Variants in LRMDA observed in about 807,000 individuals in gnomAD.
LRMDA encodes the protein leucine-rich melanocyte differentiation-associated protein.
LRMDA carries 18 observed loss-of-function variants against 29.8 expected under a neutral mutation model. The ratio of observed to expected loss-of-function variants is 0.60; its 90% confidence interval spans 0.42 to 0.90. LRMDA has a LOEUF of 0.90. LRMDA is among the 40% of genes least tolerant of loss of function. The probability of loss-of-function intolerance (pLI) is 0.00; values close to 1 mark genes in which losing one functional copy is unlikely to be tolerated. For missense variants in LRMDA, 273 were observed against 273.9 expected (o/e 1.00, Z 0.02); for synonymous variants, 125 against 109.4 (o/e 1.14, Z -0.89).
intron 2 of LRMDA, among the ~76,000 whole-genome samples, chr10:75,475,957 A>G (rs568165305): frequency 6.6e-6 from 1 of 152,228 alleles, no homozygotes. Context: ...AGACCACAAC[A>G]TTCTAAGAGC....
At chr10:76,279,539 C>CTTTTTTTT (rs759651873) in intron 5 of LRMDA, among the ~76,000 whole-genome samples, 1 of 93,808 alleles carries the variant, frequency 1.1e-5, no homozygotes, top group Non-Finnish European at 2.1e-5. Context: ...ACAAATGCTT[C>CTTTTTTTT]TTTTTTTTTT....
At chr10:76,116,844 G>T (rs1849675384) in intron 5 of LRMDA, among the ~76,000 whole-genome samples, 1 of 152,118 alleles carries the variant, frequency 6.6e-6, no homozygotes, top group South Asian at 2.1e-4. Flanking sequence ...GATGCCCTAT[G>T]TGTCTGTTAC....
chr10:75,972,527 G>A (rs186839313), intron 2 of LRMDA, among the ~76,000 whole-genome samples: 279 of 152,242 alleles, frequency 1.8e-3, no homozygotes, highest in African/African-American at 6.5e-3. Context: ...ACAGGATATA[G>A]CAGCTGTCTG....
intron 2 of LRMDA, among the ~76,000 whole-genome samples, chr10:75,465,728 C>A (rs1220451402): frequency 6.6e-6 from 1 of 152,146 alleles, no homozygotes; most frequent in African/African-American, 2.4e-5. Flanking sequence ...TTTCATCCTT[C>A]CCCCCTTCCC....
intron 2 of LRMDA, among the ~76,000 whole-genome samples, chr10:75,490,580 CAT>C (rs1844974344): frequency 2.0e-5 from 3 of 152,148 alleles, no homozygotes; most frequent in Admixed American, 2.0e-4. Flanking sequence ...ATTGAACAAA[CAT>C]ATGGAGACAT....
At chr10:75,510,368 A>G in intron 2 of LRMDA, among the ~76,000 whole-genome samples, 1 of 152,214 alleles carries the variant, frequency 6.6e-6, no homozygotes, top group East Asian at 1.9e-4. Context: ...TGGGGAGGAG[A>G]GTCAGAGGTG....
chr10:75,679,990 G>A (rs184795005), intron 2 of LRMDA, among the ~76,000 whole-genome samples: 3 of 152,204 alleles, frequency 2.0e-5, no homozygotes, highest in Non-Finnish European at 2.9e-5. Context: ...AGCCAGAAAC[G>A]CAGTCAGTCT....
At chr10:75,745,927 G>A (rs996845940) in intron 2 of LRMDA, among the ~76,000 whole-genome samples, 6 of 152,130 alleles carry the variant, frequency 3.9e-5, no homozygotes, top group African/African-American at 7.2e-5. Context: ...TTTGAGTTAC[G>A]GATTTTGGGA....
intron 2 of LRMDA, among the ~76,000 whole-genome samples, chr10:75,555,848 C>T (rs746996304): frequency 6.6e-6 from 1 of 152,116 alleles, no homozygotes; most frequent in Non-Finnish European, 1.5e-5. Context: ...ATTTGCTCAT[C>T]ATATAGGGAA....
chr10:76,541,280 T>A (rs1182606724), intron 6 of LRMDA, among the ~76,000 whole-genome samples: 5 of 152,076 alleles, frequency 3.3e-5, no homozygotes, highest in Non-Finnish European at 2.9e-5. Context: ...TTGGGTGGGT[T>A]ACTTGAGGTC....
Position 76,212,101 on chromosome 10 carries a change from A to G in LRMDA, c.517-112300A>G, listed in dbSNP as rs148778231. ...ATCTTATAGATTATCAAAAGGAAAC[A>G]TAGCCCAAGTCCATTAACCTACAAA... On this transcript the variant is annotated intron_variant, in intron 5 of 6. Transcript: ENST00000611255. Among the ~76,000 whole-genome samples, 887 of 152,320 alleles carry G rather than the reference A, an allele frequency of 5.8e-3. 10 individuals carry two copies. Among genetic ancestry groups the G allele is most frequent in the African/African-American group, 0.02 (833 of 41,562 alleles).
intron 6 of LRMDA, among the ~76,000 whole-genome samples, chr10:76,366,277 G>T (rs1401239543): frequency 6.6e-6 from 1 of 152,174 alleles, no homozygotes; most frequent in Non-Finnish European, 1.5e-5. Flanking sequence ...ATTCTGTGAA[G>T]AATGATGGTG....
intron 2 of LRMDA, among the ~76,000 whole-genome samples, chr10:76,024,272 A>C (rs1848025397): frequency 6.6e-6 from 1 of 152,216 alleles, no homozygotes; most frequent in South Asian, 2.1e-4. Flanking sequence ...CAGTGCTGGG[A>C]AAAACTCTTT....
chr10:75,539,555 T>C (rs956473022), intron 2 of LRMDA, among the ~76,000 whole-genome samples: 1 of 152,162 alleles, frequency 6.6e-6, no homozygotes, highest in Admixed American at 6.6e-5. Context: ...AAATATTAAG[T>C]TATGGGGGAA....
intron 5 of LRMDA, among the ~76,000 whole-genome samples, chr10:76,062,475 A>C (rs1459515667): frequency 6.6e-6 from 1 of 152,068 alleles, no homozygotes; most frequent in African/African-American, 2.4e-5. Flanking sequence ...CTGGCGCTTG[A>C]GTGCAAGTCC....
intron 2 of LRMDA, among the ~76,000 whole-genome samples, chr10:75,874,949 T>C (rs560429928): frequency 6.6e-6 from 1 of 152,358 alleles, no homozygotes; most frequent in Admixed American, 6.5e-5. Context: ...GTGCCACATC[T>C]GTGTGTGCAC....
intron 2 of LRMDA, among the ~76,000 whole-genome samples, chr10:75,992,474 G>A (rs1280001033): frequency 6.6e-6 from 1 of 152,160 alleles, no homozygotes; most frequent in Non-Finnish European, 1.5e-5. Context: ...GAATTGGGGA[G>A]ATCAAGTCTC....
At chr10:75,451,683 T>C (rs751294541) in intron 2 of LRMDA, 4 of 152,182 alleles carry the variant, frequency 2.6e-5, no homozygotes, top group Non-Finnish European at 4.4e-5. Flanking sequence ...TTGAAGTTGC[T>C]TTTGACTTAC....
Position 76,423,402 on chromosome 10 carries a change from TAATAA to T in LRMDA, c.601+98934_601+98938del, listed in dbSNP as rs762906400. ...GAGTGAGACTCTGTCTCAAAAATAG[TAATAA>T]AATAAAATAAAATAAAGCTGCTTAT... On this transcript the variant is annotated intron_variant, in intron 6 of 6. Transcript: ENST00000611255. Among the ~76,000 whole-genome samples the T allele has an allele frequency of 1.6e-4, 25 of 151,992 alleles. 1 individual carries two copies. The highest frequency in any genetic ancestry group is 4.8e-4 in the African/African-American group (20 of 41,378).
Sources: gnomAD v4.1 joint callset for allele counts (sites outside exome capture counted in the v4.1 genomes callset) on GRCh38, gnomAD v4.1.1 for gene constraint, MANE v1.5 for transcripts, NCBI Gene and HGNC (gene_info 2026-07-23, HGNC 2026-07-21) for gene names.